Variants in CSMD3 observed in about 807,000 individuals in gnomAD.
The protein encoded by CSMD3 is CUB and sushi domain-containing protein 3.
A neutral mutation model predicts 435.2 loss-of-function variants in CSMD3; 177 were observed. The observed-to-expected ratio is 0.41, with a 90% CI of 0.36 to 0.46. The LOEUF is 0.46. CSMD3 is among the 20% of genes least tolerant of loss of function. The pLI, the probability that CSMD3 is intolerant of heterozygous loss-of-function variation, is 0.34. For missense variants in CSMD3, 4,265 were observed against 4,504.6 expected (o/e 0.95, Z 1.52); for synonymous variants, 1,656 against 1,520.5 (o/e 1.09, Z -2.07).
chr8:112,403,366 G>T (rs907005624), intron 35 of CSMD3, among the ~76,000 whole-genome samples: 3 of 152,124 alleles, frequency 2.0e-5, no homozygotes, highest in Admixed American at 6.6e-5. Flanking sequence ...CAGTTCCATA[G>T]ATTTGTCAGA....
At chr8:112,692,954 T>A in intron 13 of CSMD3, among the ~76,000 whole-genome samples, 1 of 150,060 alleles carries the variant, frequency 6.7e-6, no homozygotes, top group Admixed American at 6.6e-5. Flanking sequence ...TCTATCTATC[T>A]ATCTATCTAT....
At chr8:112,667,099 G>C (rs927607144) in intron 16 of CSMD3, among the ~76,000 whole-genome samples, 3 of 152,030 alleles carry the variant, frequency 2.0e-5, no homozygotes, top group African/African-American at 7.2e-5. Context: ...CACAATGATA[G>C]CATTGTAGTT....
intron 13 of CSMD3, 129 bp from the exon 14 acceptor site, chr8:112,690,179 A>T: frequency 1.4e-6 from 1 of 712,002 alleles, no homozygotes. Flanking sequence ...ATATTCTCCA[A>T]TCTTTTTTTT....
chr8:113,391,978 T>G lies in CSMD3; in HGVS notation c.178+44699A>C, dbSNP rs140496145. The stretch of plus-strand genomic sequence containing the variant: ...TACATGCATTACTGTAATTTTCTCA[T>G]GTTATCCCCACATCTCACCTAAATA... On this transcript the variant is annotated intron_variant, in intron 1 of 70. Transcript: ENST00000297405. Among the ~76,000 whole-genome samples the G allele has an allele frequency of 3.8e-3, 571 of 152,196 alleles. 5 individuals are homozygous for G. The highest frequency in any genetic ancestry group is 0.013 in the African/African-American group (526 of 41,542).
intron 59 of CSMD3, among the ~76,000 whole-genome samples, chr8:112,267,053 TC>T (rs1817020221): frequency 6.6e-6 from 1 of 152,134 alleles, no homozygotes; most frequent in African/African-American, 2.4e-5. Flanking sequence ...AATTCACTTT[TC>T]CCAATATTTT....
intron 4 of CSMD3, among the ~76,000 whole-genome samples, chr8:113,135,125 GAAACCAGAGCA>G (rs1390459326): frequency 6.6e-6 from 1 of 151,954 alleles, no homozygotes; most frequent in Non-Finnish European, 1.5e-5. Context: ...TAAGAACATT[GAAACCAGAGCA>G]GACTGTTTTG....
chr8:112,241,304 T>G (rs909042155), intron 66 of CSMD3, among the ~76,000 whole-genome samples: 1 of 152,034 alleles, frequency 6.6e-6, no homozygotes, highest in African/African-American at 2.4e-5. Context: ...GCTTTTTAAA[T>G]CAAATAACTG....
chr8:112,241,525 A>T (rs186098171), intron 66 of CSMD3, among the ~76,000 whole-genome samples, 195 bp downstream of exon 66: 2 of 152,202 alleles, frequency 1.3e-5, no homozygotes, highest in Admixed American at 1.3e-4. Flanking sequence ...GGAACTATGA[A>T]CAATACTTTT....
intron 3 of CSMD3, among the ~76,000 whole-genome samples, chr8:113,200,200 C>CT (rs199751235): frequency 7.9e-5 from 12 of 151,064 alleles, no homozygotes; most frequent in Admixed American, 4.6e-4. Context: ...TCCTCTTATT[C>CT]TTTTTTTTTC....
intron 1 of CSMD3, among the ~76,000 whole-genome samples, chr8:113,421,397 T>C (rs1482089763): frequency 6.6e-6 from 1 of 152,180 alleles, no homozygotes; most frequent in African/African-American, 2.4e-5. Context: ...CACAAGCTCT[T>C]TGAAGAAAAA....
At chr8:112,498,387 T>C (rs990555657) in intron 30 of CSMD3, among the ~76,000 whole-genome samples, 1 of 152,134 alleles carries the variant, frequency 6.6e-6, no homozygotes, top group South Asian at 2.1e-4. Context: ...TTGGAAATGA[T>C]GAAAACATTG....
At chr8:113,166,270 C>T (rs1054212694) in intron 4 of CSMD3, among the ~76,000 whole-genome samples, 1 of 151,884 alleles carries the variant, frequency 6.6e-6, no homozygotes, top group African/African-American at 2.4e-5. Flanking sequence ...TTTGGGAGGT[C>T]GAGGCAAATG....
intron 61 of CSMD3, among the ~76,000 whole-genome samples, chr8:112,257,387 A>C (rs1316122849): frequency 3.9e-5 from 6 of 152,152 alleles, no homozygotes; most frequent in Admixed American, 2.6e-4. Flanking sequence ...AAACCCCACC[A>C]TCTCAGCCCA....
intron 3 of CSMD3, among the ~76,000 whole-genome samples, chr8:113,210,003 GGTGTGTGTGT>G (rs3048831): frequency 0.033 from 4,547 of 139,042 alleles, 128 homozygotes; most frequent in African/African-American, 0.076. Context: ...TCTCCTAAAA[GGTGTGTGTGT>G]GTGTGTGTGT....
At chr8:112,497,798 A>G (rs1040009109) in intron 30 of CSMD3, among the ~76,000 whole-genome samples, 16 of 152,010 alleles carry the variant, frequency 1.1e-4, no homozygotes, top group African/African-American at 3.1e-4. Flanking sequence ...GGAAACATTT[A>G]CCAAAATAAG....
chr8:112,233,432 C>A (rs1317918951), intron 68 of CSMD3, among the ~76,000 whole-genome samples: 2 of 152,142 alleles, frequency 1.3e-5, no homozygotes, highest in African/African-American at 2.4e-5. Context: ...CACTTTGTTT[C>A]CTACATAAAA....
intron 7 of CSMD3, among the ~76,000 whole-genome samples, chr8:112,969,614 A>G (rs1035139234): frequency 3.9e-5 from 6 of 152,038 alleles, no homozygotes; most frequent in Non-Finnish European, 7.4e-5. Context: ...ATTTAATTCC[A>G]TAAGATGTTG....
At chr8:112,882,474 T>C (rs1029004388) in intron 10 of CSMD3, among the ~76,000 whole-genome samples, 5 of 152,024 alleles carry the variant, frequency 3.3e-5, no homozygotes, top group African/African-American at 1.2e-4. Context: ...TAAAGCCTCA[T>C]AGGAATGTGT....
rs572235833 is a variant in CSMD3 at position 112,733,079 on chromosome 8, C to T, written c.1973-43029G>A. ...AATATGTTAGACCTTTTGTTTTCACCAACCAGTCCTCAATAAGAATGATTC... is the reference window on the plus strand; with the variant it reads ...AATATGTTAGACCTTTTGTTTTCACTAACCAGTCCTCAATAAGAATGATTC... On this transcript the variant is annotated intron_variant, in intron 13 of 70. Coordinates refer to ENST00000297405, the MANE Select transcript of CSMD3 (RefSeq NM_198123.2). 1.9e-4 allele frequency among the ~76,000 whole-genome samples: 29 copies of T among 152,022 alleles called. No homozygotes were observed. In the South Asian group the frequency reaches 6.0e-3, roughly 32 times the overall value.
Sources: gnomAD v4.1 joint callset for allele counts (sites outside exome capture counted in the v4.1 genomes callset) on GRCh38, gnomAD v4.1.1 for gene constraint, MANE v1.5 for transcripts, NCBI Gene and HGNC (gene_info 2026-07-23, HGNC 2026-07-21) for gene names.